KLHL7: variants seen among roughly 807,000 people sequenced by gnomAD.
KLHL7 encodes the protein kelch-like protein 7.
A neutral mutation model predicts 67.4 loss-of-function variants in KLHL7; 44 were observed. The observed-to-expected ratio is 0.65, with a 90% CI of 0.51 to 0.84. The LOEUF (loss-of-function observed/expected upper bound fraction) is 0.84. Ranked by LOEUF, KLHL7 falls within the 40% of genes least tolerant of loss-of-function variation. The pLI is 0.00. For missense variants in KLHL7, 362 were observed against 718.1 expected, an observed-to-expected ratio of 0.50 and a Z score of 5.67; for synonymous variants, 252 against 243.3, an observed-to-expected ratio of 1.04 and a Z score of -0.33.
rs762252955 is a variant in KLHL7, at chr7:23,165,898, T to C, written c.1137T>C (p.Ala379=). 2.5e-6 allele frequency: 4 copies of C among 1,614,208 alleles called. No homozygotes were observed. Among genetic ancestry groups the C allele is most frequent in the Admixed American group, 1.7e-5 (1 of 60,034 alleles). The change falls in exon 8 of 11, where the codon GCT becomes GCC. Residue 379 remains alanine, a synonymous_variant. Transcript: ENST00000339077. The part of the protein sequence containing the change: ...PTPRDSLAAC[A]AEGKIYTSGG... ...CTCGAGACAGCCTTGCTGCATGTGC[T>C]GCAGAAGGCAAAATTTATACATCTG... is the stretch of plus-strand genomic sequence containing the variant.
At chr7:23,165,664 C>T (rs746670692) in intron 7 of KLHL7, 34 bp from the exon 8 acceptor site, 6 of 1,612,388 alleles carry the variant, frequency 3.7e-6, no homozygotes, top group Non-Finnish European at 5.1e-6. Context: ...TATTTTTTTC[C>T]TTACTGAAAG....
chr7:23,114,194 T>C (rs1429350646), intron 1 of KLHL7, among the ~76,000 whole-genome samples: 6 of 152,332 alleles, frequency 3.9e-5, no homozygotes, highest in Non-Finnish European at 7.3e-5. Flanking sequence ...GTATGTGTTA[T>C]GATGGACTCC....
intron 4 of KLHL7, chr7:23,125,863 G>A (rs1783550519): frequency 1.9e-6 from 3 of 1,550,082 alleles, no homozygotes; most frequent in Non-Finnish European, 2.6e-6. Context: ...TGTTTGTGCA[G>A]TAGCCCACCC....
At chr7:23,146,833 T>C (rs6975524) in intron 6 of KLHL7, among the ~76,000 whole-genome samples, 68,544 of 151,884 alleles carry the variant, frequency 0.45, 17,831 homozygotes, top group African/African-American at 0.73. Flanking sequence ...TATCTATATG[T>C]ACACACATCA....
At chr7:23,114,155 G>C (rs2128457246) in intron 1 of KLHL7, among the ~76,000 whole-genome samples, 1 of 152,258 alleles carries the variant, frequency 6.6e-6, no homozygotes, top group South Asian at 2.1e-4. Flanking sequence ...TGTATTTAAG[G>C]AATCCATCTG....
chr7:23,166,658 A>G (rs1465014892), intron 8 of KLHL7, among the ~76,000 whole-genome samples: 1 of 152,214 alleles, frequency 6.6e-6, no homozygotes, highest in East Asian at 1.9e-4. Context: ...CCTCAACTAT[A>G]TGTCAAATGA....
At chr7:23,124,588 G>A (rs1472623682) in intron 2 of KLHL7, 100 bp from the exon 3 acceptor site, 12 of 766,794 alleles carry the variant, frequency 1.6e-5, no homozygotes, top group Middle Eastern at 5.2e-4. Context: ...GAACTGTCCC[G>A]TTATTTTTCT....
Position 23,106,426 on chromosome 7 carries a change from A to G in KLHL7, c.120+280A>G, listed in dbSNP as rs1028852242. On this transcript the variant is annotated intron_variant, in intron 1 of 10. Transcript: ENST00000339077. ...TTTCGCCGTCGGGTATCGGTTGTGT[A>G]ACAGCTCTGCCCTAGTTATCTCTTT... 6.2e-6 allele frequency: 8 copies of G among 1,282,602 alleles called. No homozygotes were observed. In the Middle Eastern group the frequency reaches 9.5e-4, roughly 152 times the overall value. The allele number at this position is 1,282,602 out of a possible 1,614,324, so 79.5% of individuals were successfully genotyped here.
intron 1 of KLHL7, chr7:23,106,875 T>C (rs901544962): frequency 1.5e-5 from 14 of 908,636 alleles, no homozygotes; most frequent in African/African-American, 1.8e-5. Flanking sequence ...CCATAACATC[T>C]ACACCGATAA....
intron 7 of KLHL7, among the ~76,000 whole-genome samples, chr7:23,154,506 C>A (rs1198311242): frequency 6.6e-6 from 1 of 152,210 alleles, no homozygotes; most frequent in Non-Finnish European, 1.5e-5. Flanking sequence ...GCTAACTTAT[C>A]TTCTGTCCTG....
intron 7 of KLHL7, 44 bp downstream of exon 7, chr7:23,152,253 C>T (rs1784560119): frequency 6.4e-7 from 1 of 1,568,774 alleles, no homozygotes; most frequent in African/African-American, 1.4e-5. Flanking sequence ...TCTTTGAAAT[C>T]ACTGAACACA....
At chr7:23,130,673 T>G (rs1783764851) in intron 4 of KLHL7, among the ~76,000 whole-genome samples, 2 of 152,226 alleles carry the variant, frequency 1.3e-5, no homozygotes, top group African/African-American at 4.8e-5. Flanking sequence ...AGACTTATTT[T>G]TTCATCTGTT....
intron 1 of KLHL7, among the ~76,000 whole-genome samples, chr7:23,122,864 A>G (rs1047438765): frequency 6.6e-6 from 1 of 152,206 alleles, no homozygotes; most frequent in African/African-American, 2.4e-5. Context: ...TTTACTCTGA[A>G]TATATTATTT....
intron 1 of KLHL7, among the ~76,000 whole-genome samples, chr7:23,110,704 T>G (rs201553618): frequency 1.3e-5 from 2 of 151,556 alleles, no homozygotes; most frequent in East Asian, 3.9e-4. Context: ...CATATTGGTG[T>G]GCTGCACCCA....
At chr7:23,131,500 A>T (rs892461983) in intron 4 of KLHL7, among the ~76,000 whole-genome samples, 2 of 151,968 alleles carry the variant, frequency 1.3e-5, no homozygotes, top group African/African-American at 4.8e-5. Flanking sequence ...TTGTGTTTGC[A>T]TGTTTATTTT....
intron 4 of KLHL7, among the ~76,000 whole-genome samples, chr7:23,130,749 G>T (rs1377452133): frequency 6.6e-6 from 1 of 151,962 alleles, no homozygotes; most frequent in Non-Finnish European, 1.5e-5. Context: ...CCAAACATAT[G>T]ATCTGCCTCG....
At chr7:23,157,016 C>G (rs1356598151) in intron 7 of KLHL7, among the ~76,000 whole-genome samples, 1 of 152,178 alleles carries the variant, frequency 6.6e-6, no homozygotes, top group Non-Finnish European at 1.5e-5. Flanking sequence ...TGTATCATAG[C>G]CGCCTTCCCT....
chr7:23,164,592 G>C (rs1360487273), intron 7 of KLHL7, among the ~76,000 whole-genome samples: 1 of 149,296 alleles, frequency 6.7e-6, no homozygotes, highest in African/African-American at 2.5e-5. Context: ...GTAACCTACG[G>C]GGATATTAAT....
At position 23,174,867 on chromosome 7, in the gene KLHL7, A is replaced by G. The variant is rs1433430970; in HGVS notation, c.*569A>G. The G allele has an allele frequency of 6.6e-6, 3 of 454,464 alleles. No homozygotes were observed. The highest frequency in any genetic ancestry group is 2.3e-5 in the Admixed American group (1 of 42,558). 28.2% of individuals were successfully genotyped at this position (454,464 alleles called of 1,614,324 possible). On this transcript the variant is annotated 3_prime_UTR_variant, in exon 11 of 11. Coordinates refer to ENST00000339077, the MANE Select transcript of KLHL7 (RefSeq NM_001031710.3). ...TACACACTTTCTCACAAAACTTCCT[A>G]AACAGATTTGGGGGTTTAATATGTC...
Sources: gnomAD v4.1 joint callset for allele counts (sites outside exome capture counted in the v4.1 genomes callset) on GRCh38, gnomAD v4.1.1 for gene constraint, MANE v1.5 for transcripts, NCBI Gene and HGNC (gene_info 2026-07-23, HGNC 2026-07-21) for gene names.